The following ASPHD1 variants were observed in gnomAD, a reference collection of about 807,000 sequenced individuals.
The protein encoded by ASPHD1 is aspartate beta-hydroxylase domain-containing protein 1.
ASPHD1 carries 20 observed loss-of-function variants against 28.3 expected under a neutral mutation model. The ratio of observed to expected loss-of-function variants is 0.71; its 90% confidence interval spans 0.50 to 1.03. The LOEUF (loss-of-function observed/expected upper bound fraction) is 1.03, where lower values mean the gene tolerates loss of function less well. ASPHD1 is among the 50% of genes least tolerant of loss of function. The pLI, the probability that ASPHD1 is intolerant of heterozygous loss-of-function variation, is 0.00. For missense variants in ASPHD1, 479 were observed against 524.1 expected, an observed-to-expected ratio of 0.91 and a Z score of 0.84; for synonymous variants, 240 against 221.2, an observed-to-expected ratio of 1.08 and a Z score of -0.75.
At position 29,900,968 on chromosome 16, in the gene ASPHD1, G is replaced by A; in HGVS notation, c.-4G>A. The A allele has an allele frequency of 6.4e-7, 1 of 1,552,102 alleles. No homozygotes were observed. Among genetic ancestry groups the A allele is most frequent in the East Asian group, 2.4e-5 (1 of 40,990 alleles). ...GAGAAAGGAGAGAGGAGGGTTGGAGGTGCATGAAGGAGGGGAGAGGGAGCT... is the reference window on the plus strand; with the variant it reads ...GAGAAAGGAGAGAGGAGGGTTGGAGATGCATGAAGGAGGGGAGAGGGAGCT... On this transcript the variant is annotated 5_prime_UTR_variant, in exon 1 of 3. It adds an upstream start codon to the 5' untranslated region. Coordinates refer to ENST00000308748, the MANE Select transcript of ASPHD1 (RefSeq NM_181718.4).
chr16:29,907,044 C>T (rs758482954), downstream of ASPHD1: 7 of 1,613,744 alleles, frequency 4.3e-6, no homozygotes, highest in South Asian at 1.1e-5. Flanking sequence ...GTCTGGGCCC[C>T]GGGGAGTCTC....
chr16:29,901,735 A>G lies in ASPHD1; in HGVS notation c.764A>G (p.Tyr255Cys). Reference sequence around the variant, plus strand: ...CCCGGGTGCTACCAGCTCCTGCTGTACCAAGCAGGCCGGTGCCAACCCAGC... The same window carrying G: ...CCCGGGTGCTACCAGCTCCTGCTGTGCCAAGCAGGCCGGTGCCAACCCAGC... Reference protein sequence around the residue: ...LAPGCYQLLLYQAGRCQPSNC... With the variant: ...LAPGCYQLLLCQAGRCQPSNC... The change falls in exon 1 of 3, where the codon TAC (tyrosine) becomes TGC (cysteine). Residue 255 changes from tyrosine to cysteine, a missense_variant. Transcript: ENST00000308748. The surrounding 1 kb of genome is among the most constrained non-coding windows in gnomAD (Gnocchi z 5.1). The G allele has an allele frequency of 6.4e-7, 1 of 1,562,610 alleles. No individual in the cohort carries two copies. The highest frequency in any genetic ancestry group is 8.6e-7 in the Non-Finnish European group (1 of 1,156,780).
Position 29,904,894 on chromosome 16 carries a change from A to T in ASPHD1, c.992A>T (p.Glu331Val). Residue 331 changes from glutamate (E) to valine (V), a missense_variant, in exon 2 of 3, where the codon GAG (glutamate) becomes GTG (valine). Glu to Val is a moderately radical substitution (Grantham distance 121, BLOSUM62 -2). Transcript: ENST00000308748. ...PPGCELVVGGEPQCWAEGHCL... is the reference protein window; with the variant it reads ...PPGCELVVGGVPQCWAEGHCL... ...GGCTGTGAGCTGGTGGTCGGCGGTG[A>T]GCCCCAGTGCTGGGCTGAGGGGCAC... is the stretch of plus-strand genomic sequence containing the variant. The T allele has an allele frequency of 6.2e-7, 1 of 1,612,982 alleles. No homozygotes were observed. The highest frequency in any genetic ancestry group is 8.5e-7 in the Non-Finnish European group (1 of 1,179,684).
chr16:29,905,685 C>A (rs1597006865), intron 2 of ASPHD1, 103 bp from the exon 3 acceptor site: 3 of 654,642 alleles, frequency 4.6e-6, no homozygotes, highest in South Asian at 2.0e-5. Context: ...TAGAACAAGG[C>A]CTGCCACTTA....
intron 3 of ASPHD1, chr16:29,914,692 CA>C (rs1190581261): frequency 8.5e-5 from 13 of 152,410 alleles, no homozygotes; most frequent in Admixed American, 3.9e-4. Context: ...CTTGGCCTCC[CA>C]AAGTGTTGGG....
chr16:29,908,524 T>G (rs545529858), downstream of ASPHD1, among the ~76,000 whole-genome samples: 1 of 152,164 alleles, frequency 6.6e-6, no homozygotes, highest in African/African-American at 2.4e-5. Flanking sequence ...TAGCTGGGAT[T>G]ACAGGCATGT....
rs759414899 is a variant in ASPHD1 at position 29,905,823 on chromosome 16, G to A, written c.1099G>A (p.Val367Met). Residue 367 changes from valine (V) to methionine (M), a missense_variant, in exon 3 of 3, where the codon GTG becomes ATG. Physicochemically the swap from Val to Met is conservative, Grantham distance 21. Transcript: ENST00000308748. ...AGATGGGCCTCGAGTGGTCTTCATC[G>A]TGGACCTCTGGCACCCCAACGTGGC... ...PEDGPRVVFI[V>M]DLWHPNVAGA... 6.2e-6 allele frequency: 10 copies of A among 1,613,590 alleles called. No individual in the cohort carries two copies. Among genetic ancestry groups the A allele is most frequent in the Admixed American group, 3.3e-5 (2 of 59,942 alleles).
At chr16:29,911,663 A>G in intron 3 of ASPHD1, 2 of 716,302 alleles carry the variant, frequency 2.8e-6, no homozygotes, top group Admixed American at 2.4e-5. Flanking sequence ...GGACCTGCCT[A>G]GAGCGTCAGG....
downstream of ASPHD1, among the ~76,000 whole-genome samples, chr16:29,910,809 C>T (rs534177322): frequency 4.3e-4 from 65 of 152,314 alleles, no homozygotes; most frequent in African/African-American, 1.4e-3. Flanking sequence ...CACAGAGAAA[C>T]AGAGACCCAC....
chr16:29,911,387 G>C (rs752946551), intron 3 of ASPHD1: 31 of 575,090 alleles, frequency 5.4e-5, no homozygotes, highest in Non-Finnish European at 9.2e-5. Flanking sequence ...CAGCACAGCA[G>C]CTCCAGTGAG....
Position 29,903,323 on chromosome 16 carries a change from T to G in ASPHD1, c.949+1403T>G, listed in dbSNP as rs374889538. Among the ~76,000 whole-genome samples, 26 of 151,850 alleles carry G rather than the reference T, an allele frequency of 1.7e-4. No homozygotes were observed. The South Asian group carries it at 2.7e-3, about 16-fold the overall frequency. ...GTGAGCCGAGATCACAACATTGCAC[T>G]CCAGCCTGGGCAACAAGAGCGAAAC... On this transcript the variant is annotated intron_variant, in intron 1 of 2. Coordinates refer to ENST00000308748, the MANE Select transcript of ASPHD1 (RefSeq NM_181718.4).
At chr16:29,906,148 C>CTTTTTTTT (rs770827164), downstream of ASPHD1, 1 of 175,530 alleles carries the variant, frequency 5.7e-6, no homozygotes, top group African/African-American at 2.7e-5. Context: ...TTTTTTCTTT[C>CTTTTTTTT]TTTTTTTTTT....
chr16:29,912,218 G>T, intron 3 of ASPHD1: 1 of 647,164 alleles, frequency 1.5e-6, no homozygotes, highest in South Asian at 1.8e-5. Flanking sequence ...TTTGCTTGCT[G>T]GGCCTTGGTC....
chr16:29,915,220 C>T (rs933096169), intron 3 of ASPHD1: 3 of 152,194 alleles, frequency 2.0e-5, no homozygotes, highest in African/African-American at 7.2e-5. Flanking sequence ...TGTGCAAAGC[C>T]GTCTTGTCCT....
downstream of ASPHD1, chr16:29,910,858 C>T: frequency 1.2e-6 from 1 of 858,532 alleles, no homozygotes. Flanking sequence ...GCACCCCAGA[C>T]CCCAGGATCT....
chr16:29,900,927 GGAGA>G lies in ASPHD1; in HGVS notation c.-40_-37del, dbSNP rs1046163096. 1.3e-6 allele frequency: 2 copies of G among 1,518,390 alleles called. No homozygotes were observed. The highest frequency in any genetic ancestry group is 2.5e-5 in the East Asian group (1 of 40,746). 94.1% of individuals were successfully genotyped at this position (1,518,390 alleles called of 1,614,324 possible). A position where few individuals can be genotyped will look rare whatever the true frequency, so the allele number is the denominator to read the frequency against. On this transcript the variant is annotated 5_prime_UTR_variant, in exon 1 of 3. Coordinates refer to ENST00000308748, the MANE Select transcript of ASPHD1 (RefSeq NM_181718.4). ...GGGAGAGGAGGAAGAAGAGGTAGAA[GGAGA>G]GAGAAAGGGGAGAGAAAGGAGAGAG...
Position 29,901,793 on chromosome 16 carries a change from A to G in ASPHD1, c.822A>G (p.Ala274=). ...GCCGGTGCCCGGGGGCCTATCGGGCACTGAGGGGGCTTCGAAGCTTTATGA... is the reference window on the plus strand; with the variant it reads ...GCCGGTGCCCGGGGGCCTATCGGGCGCTGAGGGGGCTTCGAAGCTTTATGA... ...NCRRCPGAYR[A]LRGLRSFMSA... Residue 274 remains alanine (A), a synonymous_variant, in exon 1 of 3, where the codon GCA becomes GCG. Coordinates refer to ENST00000308748, the MANE Select transcript of ASPHD1 (RefSeq NM_181718.4). The surrounding 1 kb of genome is among the most constrained non-coding windows in gnomAD (Gnocchi z 5.1). 6.4e-7 allele frequency: 1 copy of G among 1,562,490 alleles called. No homozygotes were observed.
At chr16:29,911,051 T>C, downstream of ASPHD1, 2 of 1,614,080 alleles carry the variant, frequency 1.2e-6, no homozygotes, top group Non-Finnish European at 1.7e-6. Context: ...GCCCTGCCCG[T>C]AGAAAGACCA....
At chr16:29,914,975 C>CAA (rs538063744) in intron 3 of ASPHD1, 7 of 128,840 alleles carry the variant, frequency 5.4e-5, no homozygotes, top group African/African-American at 8.7e-5. Context: ...GACTCTGTCT[C>CAA]AAAAAAAAAA....
Sources: gnomAD v4.1 joint callset for allele counts (sites outside exome capture counted in the v4.1 genomes callset) on GRCh38, gnomAD v4.1.1 for gene constraint, Gnocchi (gnomAD v3.1) non-coding constraint, MANE v1.5 for transcripts, NCBI Gene and HGNC (gene_info 2026-07-23, HGNC 2026-07-21) for gene names.